Variants in KIFAP3 observed in about 807,000 individuals in gnomAD.
KIFAP3 encodes the protein kinesin associated protein 3, also known as kinesin-associated protein 3.
KIFAP3 carries 68 observed loss-of-function variants against 106.5 expected under a neutral mutation model. That is an observed-to-expected ratio of 0.64 (90% CI 0.53 to 0.78). The LOEUF is 0.78. Ranked by LOEUF, KIFAP3 falls within the 30% of genes least tolerant of loss-of-function variation. KIFAP3 has a pLI of 0.00. For missense variants in KIFAP3, 780 were observed against 941.8 expected, an observed-to-expected ratio of 0.83 and a Z score of 2.25; for synonymous variants, 320 against 311.5, an observed-to-expected ratio of 1.03 and a Z score of -0.29.
chr1:169,968,478 T>C (rs1401958393), intron 17 of KIFAP3, among the ~76,000 whole-genome samples: 3 of 151,918 alleles, frequency 2.0e-5, no homozygotes, highest in African/African-American at 4.8e-5. Flanking sequence ...AGCCCCCTAA[T>C]TGAGACTGTA....
intron 10 of KIFAP3, among the ~76,000 whole-genome samples, chr1:169,998,397 T>TACACACAC (rs1346595286): frequency 1.2e-4 from 9 of 77,926 alleles, no homozygotes; most frequent in Non-Finnish European, 1.0e-4. Flanking sequence ...TATATATATA[T>TACACACAC]ATACACACAC....
chr1:169,982,487 A>T (rs1168760814), intron 14 of KIFAP3, among the ~76,000 whole-genome samples: 1 of 152,156 alleles, frequency 6.6e-6, no homozygotes, highest in South Asian at 2.1e-4. Flanking sequence ...GTAGAATAGG[A>T]AATAGAAACT....
intron 19 of KIFAP3, among the ~76,000 whole-genome samples, chr1:169,934,687 T>C (rs1450352547): frequency 1.3e-5 from 2 of 152,148 alleles, no homozygotes; most frequent in Admixed American, 6.6e-5. Context: ...GCTGGGCAAC[T>C]ATGAGAATTC....
intron 18 of KIFAP3, among the ~76,000 whole-genome samples, chr1:169,954,775 T>G (rs1664920238): frequency 6.6e-6 from 1 of 152,164 alleles, no homozygotes; most frequent in Non-Finnish European, 1.5e-5. Flanking sequence ...TATTGTACAG[T>G]CCCTAGCGTT....
intron 8 of KIFAP3, among the ~76,000 whole-genome samples, chr1:170,027,287 T>A (rs1669165967): frequency 6.6e-6 from 1 of 152,182 alleles, no homozygotes; most frequent in African/African-American, 2.4e-5. Context: ...CCCAAAGTGC[T>A]GGGATTACAG....
chr1:170,018,251 G>T (rs114480035), intron 9 of KIFAP3, among the ~76,000 whole-genome samples: 3,375 of 152,230 alleles, frequency 0.022, 109 homozygotes, highest in African/African-American at 0.065. Flanking sequence ...AACTAGAGCA[G>T]AGTTAGTAGT....
chr1:170,004,843 C>T (rs1409429424), intron 10 of KIFAP3, among the ~76,000 whole-genome samples: 5 of 150,858 alleles, frequency 3.3e-5, no homozygotes, highest in African/African-American at 1.2e-4. Context: ...CAACAAAAGC[C>T]AAAATTGACA....
intron 10 of KIFAP3, among the ~76,000 whole-genome samples, chr1:170,004,005 A>G (rs1667805345): frequency 6.6e-6 from 1 of 152,190 alleles, no homozygotes; most frequent in African/African-American, 2.4e-5. Context: ...AAGCAACTTC[A>G]GCAAAGTCTC....
intron 18 of KIFAP3, among the ~76,000 whole-genome samples, chr1:169,958,894 A>G: frequency 6.6e-6 from 1 of 152,322 alleles, no homozygotes. Flanking sequence ...AGGAGATGCT[A>G]GTTTTGTATT....
intron 11 of KIFAP3, among the ~76,000 whole-genome samples, chr1:169,988,692 C>A (rs562401792): frequency 6.6e-6 from 1 of 152,032 alleles, no homozygotes; most frequent in African/African-American, 2.4e-5. Flanking sequence ...CATTTAATTT[C>A]TGACTTGTTT....
chr1:170,023,308 G>T (rs1354519109), intron 9 of KIFAP3, among the ~76,000 whole-genome samples: 1 of 151,796 alleles, frequency 6.6e-6, no homozygotes, highest in South Asian at 2.1e-4. Context: ...TTTTCAAAGG[G>T]CCTGCCATAT....
intron 2 of KIFAP3, among the ~76,000 whole-genome samples, chr1:170,048,383 T>C (rs1054750359): frequency 1.3e-5 from 2 of 151,762 alleles, no homozygotes; most frequent in Non-Finnish European, 2.9e-5. Context: ...TCAGAAGGCA[T>C]AGAGAGAAAG....
intron 10 of KIFAP3, among the ~76,000 whole-genome samples, chr1:170,006,643 A>C (rs1012757784): frequency 2.0e-5 from 3 of 152,182 alleles, no homozygotes; most frequent in African/African-American, 7.2e-5. Context: ...TAACTCTGCC[A>C]GTTTTGGTCC....
intron 19 of KIFAP3, among the ~76,000 whole-genome samples, chr1:169,943,012 A>G (rs978946757): frequency 5.3e-5 from 8 of 150,450 alleles, no homozygotes; most frequent in Non-Finnish European, 1.0e-4. Flanking sequence ...GTAGGTCTTC[A>G]TTTGCAGATT....
intron 8 of KIFAP3, among the ~76,000 whole-genome samples, chr1:170,026,047 G>A (rs180822188): frequency 3.3e-5 from 5 of 152,258 alleles, no homozygotes; most frequent in Non-Finnish European, 7.4e-5. Flanking sequence ...AACAGAGACC[G>A]ACAGAGTGGG....
chr1:169,984,482 A>T, intron 12 of KIFAP3, 100 bp downstream of exon 12: 1 of 506,386 alleles, frequency 2.0e-6, no homozygotes, highest in East Asian at 3.0e-5. Flanking sequence ...TGAAAACAGG[A>T]CTTACATAAT....
chr1:169,972,644 C>A, intron 16 of KIFAP3, 46 bp from the exon 17 acceptor site: 1 of 934,336 alleles, frequency 1.1e-6, no homozygotes, highest in South Asian at 1.5e-5. Context: ...GATATTGTGG[C>A]TAGTCAATAA....
At chr1:170,059,181 G>A (rs12038006) in intron 1 of KIFAP3, among the ~76,000 whole-genome samples, 2,454 of 152,176 alleles carry the variant, frequency 0.016, 49 homozygotes, top group South Asian at 0.08. Flanking sequence ...GAGCAAAACT[G>A]AAGGAGATAG....
upstream of KIFAP3, among the ~76,000 whole-genome samples, chr1:170,077,594 A>T (rs1671945400): frequency 6.6e-6 from 1 of 152,198 alleles, no homozygotes; most frequent in African/African-American, 2.4e-5. Context: ...AATAACATGC[A>T]TTCTTCTTGG....
Sources: allele counts gnomAD v4.1 joint callset (sites outside exome capture counted in the v4.1 genomes callset), GRCh38; gene constraint gnomAD v4.1.1; transcripts MANE v1.5; gene names NCBI Gene and HGNC (gene_info 2026-07-23, HGNC 2026-07-21).